Variants in SEMA6D observed in about 807,000 individuals in gnomAD.
SEMA6D encodes the protein semaphorin-6D.
Under a neutral mutation model 106.6 loss-of-function variants are expected in SEMA6D, and 35 were observed. The ratio of observed to expected loss-of-function variants is 0.33; its 90% confidence interval spans 0.25 to 0.44. SEMA6D has a LOEUF of 0.44. Among genes scored for constraint, SEMA6D ranks in the 20% least tolerant of loss-of-function variants. The pLI is 1.00. For missense variants in SEMA6D, 1,185 were observed against 1,345.9 expected (o/e 0.88, Z 1.87); for synonymous variants, 499 against 487.7 (o/e 1.02, Z -0.31).
intron 1 of SEMA6D, among the ~76,000 whole-genome samples, chr15:47,232,181 T>C (rs1425169977): frequency 1.3e-5 from 2 of 152,084 alleles, no homozygotes; most frequent in Non-Finnish European, 2.9e-5. Context: ...GTATGATCAA[T>C]ACTTCAGTCT....
At chr15:47,189,261 C>A (rs1893792466) in intron 1 of SEMA6D, among the ~76,000 whole-genome samples, 2 of 152,100 alleles carry the variant, frequency 1.3e-5, no homozygotes, top group Admixed American at 6.6e-5. Context: ...TGTGACAATT[C>A]CCATGGCAAG....
intron 1 of SEMA6D, among the ~76,000 whole-genome samples, chr15:47,387,889 G>T (rs1379166446): frequency 6.6e-6 from 1 of 152,146 alleles, no homozygotes; most frequent in Non-Finnish European, 1.5e-5. Flanking sequence ...GTGTTGTTTT[G>T]TAAGAATTAA....
At chr15:47,476,582 C>G (rs1470598928) in intron 3 of SEMA6D, among the ~76,000 whole-genome samples, 4 of 152,058 alleles carry the variant, frequency 2.6e-5, no homozygotes, top group Non-Finnish European at 4.4e-5. Flanking sequence ...TAAAGCCTTC[C>G]TCATGCTCTA....
At chr15:47,721,115 A>G (rs2079398653) in intron 1 of SEMA6D, among the ~76,000 whole-genome samples, 1 of 152,254 alleles carries the variant, frequency 6.6e-6, no homozygotes, top group Non-Finnish European at 1.5e-5. Flanking sequence ...ACACCAGGTG[A>G]GCCAGATATG....
chr15:47,640,625 T>C (rs1284934132), intron 4 of SEMA6D, among the ~76,000 whole-genome samples: 1 of 152,170 alleles, frequency 6.6e-6, no homozygotes, highest in Admixed American at 6.5e-5. Flanking sequence ...TTTGTACGTC[T>C]ATGAGCCTTA....
At chr15:47,645,012 A>T (rs968591527) in intron 4 of SEMA6D, among the ~76,000 whole-genome samples, 1 of 152,212 alleles carries the variant, frequency 6.6e-6, no homozygotes, top group Non-Finnish European at 1.5e-5. Flanking sequence ...AAGGGCACAC[A>T]CATCTGTTTC....
At chr15:47,602,140 T>G (rs2076675171) in intron 4 of SEMA6D, among the ~76,000 whole-genome samples, 1 of 152,142 alleles carries the variant, frequency 6.6e-6, no homozygotes, top group South Asian at 2.1e-4. Context: ...TTTAGAGGAG[T>G]AATTCCTTCA....
At chr15:47,753,116 G>A (rs1322537638) in intron 1 of SEMA6D, among the ~76,000 whole-genome samples, 2 of 152,196 alleles carry the variant, frequency 1.3e-5, no homozygotes, top group Non-Finnish European at 2.9e-5. Context: ...TGAAGTAGCT[G>A]TGGGGCAGGA....
chr15:47,428,790 G>A (rs1025089457), intron 2 of SEMA6D, among the ~76,000 whole-genome samples: 1 of 151,798 alleles, frequency 6.6e-6, no homozygotes, highest in Admixed American at 6.6e-5. Context: ...GGGTAAGATG[G>A]GTTTCTTATG....
chr15:47,414,878 G>C (rs2140331447), intron 2 of SEMA6D, among the ~76,000 whole-genome samples: 1 of 152,236 alleles, frequency 6.6e-6, no homozygotes, highest in South Asian at 2.1e-4. Context: ...GATTTTGCTG[G>C]ATAGGATTTT....
At chr15:47,190,169 A>G (rs1163332505) in intron 1 of SEMA6D, among the ~76,000 whole-genome samples, 1 of 152,228 alleles carries the variant, frequency 6.6e-6, no homozygotes, top group Non-Finnish European at 1.5e-5. Flanking sequence ...ATTTGGGCAG[A>G]GAATTTGTCT....
chr15:47,651,336 G>A (rs1418067792), intron 4 of SEMA6D, among the ~76,000 whole-genome samples: 1 of 152,010 alleles, frequency 6.6e-6, no homozygotes, highest in Non-Finnish European at 1.5e-5. Context: ...CCCAGGAATT[G>A]GAGGCTGCAG....
intron 1 of SEMA6D, among the ~76,000 whole-genome samples, chr15:47,738,308 T>C (rs569376798): frequency 6.6e-6 from 1 of 152,320 alleles, no homozygotes; most frequent in Non-Finnish European, 1.5e-5. Flanking sequence ...GCTTCATCCA[T>C]GTCCCTGCAA....
At chr15:47,311,076 T>G (rs1018846848) in intron 1 of SEMA6D, among the ~76,000 whole-genome samples, 1 of 152,212 alleles carries the variant, frequency 6.6e-6, no homozygotes, top group African/African-American at 2.4e-5. Flanking sequence ...TAAAGCCTCA[T>G]TGTCCTCCTA....
At chr15:47,588,232 C>T (rs2143009848) in intron 3 of SEMA6D, among the ~76,000 whole-genome samples, 1 of 152,298 alleles carries the variant, frequency 6.6e-6, no homozygotes, top group Non-Finnish European at 1.5e-5. Flanking sequence ...CCAAGATTTC[C>T]TGCCCCACTA....
intron 1 of SEMA6D, among the ~76,000 whole-genome samples, chr15:47,222,368 T>C (rs765762039): frequency 6.6e-5 from 10 of 152,146 alleles, no homozygotes; most frequent in Non-Finnish European, 1.0e-4. Flanking sequence ...CCTTATTTTT[T>C]CTCCCAACCT....
chr15:47,277,710 T>C (rs184729792), intron 1 of SEMA6D, among the ~76,000 whole-genome samples: 3,245 of 151,696 alleles, frequency 0.021, 113 homozygotes, highest in African/African-American at 0.074. Flanking sequence ...GCGCTGCACC[T>C]ACTAACTCGT....
intron 1 of SEMA6D, among the ~76,000 whole-genome samples, chr15:47,345,771 CAT>C (rs1190158069): frequency 6.6e-6 from 1 of 152,158 alleles, no homozygotes; most frequent in African/African-American, 2.4e-5. Flanking sequence ...ATTTCACAAA[CAT>C]ATCTAAGGAA....
intron 1 of SEMA6D, among the ~76,000 whole-genome samples, chr15:47,225,274 A>G (rs2031559797): frequency 6.6e-6 from 1 of 152,060 alleles, no homozygotes; most frequent in African/African-American, 2.4e-5. Context: ...TGTTTGCACC[A>G]ATGAATGAGA....
Sources: allele counts gnomAD v4.1 joint callset (sites outside exome capture counted in the v4.1 genomes callset), GRCh38; gene constraint gnomAD v4.1.1; transcripts MANE v1.5; gene names NCBI Gene and HGNC (gene_info 2026-07-23, HGNC 2026-07-21).